CKMT2: variants seen among roughly 807,000 people sequenced by gnomAD.
The protein encoded by CKMT2 is creatine kinase, mitochondrial 2, also known as creatine kinase S-type, mitochondrial.
Under a neutral mutation model 48.9 loss-of-function variants are expected in CKMT2, and 43 were observed. The ratio of observed to expected loss-of-function variants is 0.88; its 90% CI spans 0.69 to 1.13. CKMT2 has a LOEUF of 1.13. Among genes scored for constraint, CKMT2 ranks in the 50% most tolerant of loss-of-function variants. The pLI is 0.00. For synonymous variants in CKMT2, 206 were observed against 213.0 expected, an observed-to-expected ratio of 0.97 and a Z score of 0.29; for missense variants, 472 against 555.4, an observed-to-expected ratio of 0.85 and a Z score of 1.51.
chr5:81,248,272 C>T (rs940424519), intron 1 of CKMT2, among the ~76,000 whole-genome samples: 2 of 152,244 alleles, frequency 1.3e-5, no homozygotes, highest in Admixed American at 6.5e-5. Flanking sequence ...AAGGAACATA[C>T]TTCCTGTTAG....
chr5:81,236,805 G>C (rs567939929), intron 1 of CKMT2, among the ~76,000 whole-genome samples: 3 of 152,312 alleles, frequency 2.0e-5, no homozygotes, highest in East Asian at 1.9e-4. Context: ...CAGTAGATCT[G>C]AAAGTATGTG....
chr5:81,239,788 AG>A (rs139846911), intron 1 of CKMT2, among the ~76,000 whole-genome samples: 2,189 of 152,220 alleles, frequency 0.014, 48 homozygotes, highest in African/African-American at 0.05. Flanking sequence ...TGCCCAGCAG[AG>A]GGCCGTGGTT....
intron 1 of CKMT2, among the ~76,000 whole-genome samples, chr5:81,241,667 G>C (rs957387152): frequency 6.6e-6 from 1 of 152,198 alleles, no homozygotes; most frequent in Non-Finnish European, 1.5e-5. Flanking sequence ...CTTGACAAAT[G>C]GTGCTGTCAA....
intron 5 of CKMT2, among the ~76,000 whole-genome samples, chr5:81,255,821 TAAA>T (rs34825989): frequency 7.1e-6 from 1 of 140,684 alleles, no homozygotes; most frequent in African/African-American, 2.6e-5. Flanking sequence ...TTTAAACTCT[TAAA>T]AAAAAAAAAA....
At chr5:81,260,565 C>T (rs1488923280) in intron 8 of CKMT2, among the ~76,000 whole-genome samples, 1 of 152,148 alleles carries the variant, frequency 6.6e-6, no homozygotes, top group Admixed American at 6.5e-5. Context: ...TACAAACTAC[C>T]ATCAGAGAAT....
At position 81,263,626 on chromosome 5, in the gene CKMT2, C is replaced by T. The variant is rs1757303250; in HGVS notation, c.1140+10C>T. The T allele has an allele frequency of 1.9e-6, 3 of 1,598,142 alleles. No homozygotes were observed. Among genetic ancestry groups the T allele is most frequent in the Admixed American group, 1.7e-5 (1 of 58,926 alleles). The stretch of plus-strand genomic sequence containing the variant: ...AATTGGTCGATCAGAGGTAACGTCT[C>T]TCTCACTTTCCTAACATGAACTAAC... On this transcript the variant is annotated intron_variant, in intron 9 of 9. Coordinates refer to ENST00000254035, the MANE Select transcript of CKMT2 (RefSeq NM_001099735.2).
At chr5:81,254,632 T>C in intron 4 of CKMT2, 141 bp downstream of exon 4, 1 of 691,178 alleles carries the variant, frequency 1.4e-6, no homozygotes, top group Non-Finnish European at 2.5e-6. Flanking sequence ...GCCTTCCCTC[T>C]GGAGGGCCAC....
chr5:81,261,381 G>T (rs1757218543), intron 8 of CKMT2, among the ~76,000 whole-genome samples: 1 of 152,150 alleles, frequency 6.6e-6, no homozygotes, highest in Admixed American at 6.5e-5. Context: ...AAGAAAGAAA[G>T]GGTATTCACG....
chr5:81,256,940 T>C lies in CKMT2; in HGVS notation c.695T>C (p.Val232Ala). Reference sequence around the variant, plus strand: ...GACCACTTTCTGTTTGATAAGCCAGTGTCCCCTTTATTAACATGTGCTGGG... The same window carrying C: ...GACCACTTTCTGTTTGATAAGCCAGCGTCCCCTTTATTAACATGTGCTGGG... The part of the protein sequence containing the change: ...IDDHFLFDKP[V>A]SPLLTCAGMA... The change falls in exon 6 of 10, where the codon GTG becomes GCG. Residue 232 changes from valine to alanine, a missense_variant. Physicochemically the swap from Val to Ala is moderately conservative, Grantham distance 64. Coordinates refer to ENST00000254035, the MANE Select transcript of CKMT2 (RefSeq NM_001099735.2). 1 of 1,614,112 alleles carries C rather than the reference T, an allele frequency of 6.2e-7. No individual in the cohort carries two copies. The highest frequency in any genetic ancestry group is 8.5e-7 in the Non-Finnish European group (1 of 1,179,970).
In CKMT2 at chr5:81,249,523, G is replaced by A. The variant is rs373214812; in HGVS notation, c.-20-1590G>A. ...GCTAATTGGCCCTTCTAAATCTCTA[G>A]GCAGTAGCAGACCCAACAGGGTTTC... On this transcript the variant is annotated intron_variant, in intron 1 of 9. Transcript: ENST00000254035. 4.3e-4 allele frequency among the ~76,000 whole-genome samples: 66 copies of A among 152,266 alleles called. No homozygotes were observed. In the South Asian group the frequency reaches 0.013, roughly 31 times the overall value.
intron 1 of CKMT2, among the ~76,000 whole-genome samples, chr5:81,248,625 G>A (rs567742522): frequency 1.1e-4 from 16 of 152,266 alleles, no homozygotes; most frequent in African/African-American, 3.8e-4. Flanking sequence ...CAAGTCCCCA[G>A]GACAACTTCA....
intron 1 of CKMT2, among the ~76,000 whole-genome samples, chr5:81,234,353 C>T (rs1756191731): frequency 6.6e-6 from 1 of 152,132 alleles, no homozygotes; most frequent in Non-Finnish European, 1.5e-5. Flanking sequence ...ACGCTAGGTA[C>T]ACCAGTGTGC....
At chr5:81,264,691 A>G (rs1438975686) in intron 9 of CKMT2, among the ~76,000 whole-genome samples, 3 of 152,190 alleles carry the variant, frequency 2.0e-5, no homozygotes, top group Admixed American at 6.5e-5. Context: ...CTGGAAAACA[A>G]TGTAGTTAAT....
intron 5 of CKMT2, among the ~76,000 whole-genome samples, chr5:81,256,683 CT>C (rs1349525139): frequency 6.6e-6 from 1 of 152,188 alleles, no homozygotes; most frequent in Non-Finnish European, 1.5e-5. Flanking sequence ...CTAGAATCAC[CT>C]GAAGAGTTTT....
chr5:81,265,229 A>G (rs1757348277), intron 9 of CKMT2, among the ~76,000 whole-genome samples: 1 of 152,218 alleles, frequency 6.6e-6, no homozygotes, highest in African/African-American at 2.4e-5. Flanking sequence ...ACTCTCACCA[A>G]CACTGGAAGG....
intron 1 of CKMT2, among the ~76,000 whole-genome samples, chr5:81,248,372 G>A (rs1756681741): frequency 6.6e-6 from 1 of 152,214 alleles, no homozygotes; most frequent in Non-Finnish European, 1.5e-5. Context: ...GAGTTCTACA[G>A]TAAACCTCTA....
intron 5 of CKMT2, among the ~76,000 whole-genome samples, chr5:81,256,589 G>A (rs544463986): frequency 1.3e-5 from 2 of 152,308 alleles, no homozygotes; most frequent in East Asian, 1.9e-4. Flanking sequence ...GTATAGGGTT[G>A]GTGTTGGTAG....
chr5:81,250,982 A>ACACACACACACACACAC (rs1554045839), intron 1 of CKMT2, 131 bp from the exon 2 acceptor site: 2 of 415,410 alleles, frequency 4.8e-6, no homozygotes, highest in African/African-American at 3.2e-5. Context: ...CACACACAGA[A>ACACACACACACACACAC]AGAGAGAGAG....
At chr5:81,255,745 T>C (rs907862172) in intron 5 of CKMT2, among the ~76,000 whole-genome samples, 1 of 151,044 alleles carries the variant, frequency 6.6e-6, no homozygotes, top group Non-Finnish European at 1.5e-5. Context: ...TGCACAAAAC[T>C]CAAGTCCCTT....
Sources: allele counts gnomAD v4.1 joint callset (sites outside exome capture counted in the v4.1 genomes callset), GRCh38; gene constraint gnomAD v4.1.1; transcripts MANE v1.5; gene names NCBI Gene and HGNC (gene_info 2026-07-23, HGNC 2026-07-21).